PIGL: variants seen among roughly 807,000 people sequenced by gnomAD.
PIGL encodes the protein N-acetylglucosaminyl-phosphatidylinositol de-N-acetylase.
In PIGL, 22 loss-of-function variants were observed where a neutral mutation model predicts 31.1. The ratio of observed to expected loss-of-function variants is 0.71; its 90% confidence interval spans 0.51 to 1.01. The LOEUF (loss-of-function observed/expected upper bound fraction) is 1.01. PIGL is among the 50% of genes least tolerant of loss of function. PIGL has a pLI of 0.00. For synonymous variants in PIGL, 131 were observed against 117.4 expected, an observed-to-expected ratio of 1.12 and a Z score of -0.75; for missense variants, 302 against 315.9, an observed-to-expected ratio of 0.96 and a Z score of 0.33.
chr17:16,308,314 A>G (rs2093034470), intron 3 of PIGL, among the ~76,000 whole-genome samples: 1 of 151,654 alleles, frequency 6.6e-6, no homozygotes, highest in Admixed American at 6.6e-5. Context: ...TCTGGGTGAC[A>G]GGGTGAAACT....
In PIGL at chr17:16,326,292, G is replaced by A. The variant is rs1324888822; in HGVS notation, c.*394G>A. 1 of 175,940 alleles carries A rather than the reference G, an allele frequency of 5.7e-6. No homozygotes were observed. The highest frequency in any genetic ancestry group is 2.4e-5 in the African/African-American group (1 of 42,136). 10.9% of individuals were successfully genotyped at this position (175,940 alleles called of 1,614,324 possible). ...GACTTTTACATTGTTTCCAAAGCAGGTTCACCAAAAACACATACACAAAAT... is the reference window on the plus strand; with the variant it reads ...GACTTTTACATTGTTTCCAAAGCAGATTCACCAAAAACACATACACAAAAT... On this transcript the variant is annotated 3_prime_UTR_variant, in exon 7 of 7. Transcript: ENST00000225609.
At chr17:16,254,960 A>G (rs902972372) in intron 2 of PIGL, among the ~76,000 whole-genome samples, 2 of 152,146 alleles carry the variant, frequency 1.3e-5, no homozygotes, top group African/African-American at 4.8e-5. Context: ...GATATATAAT[A>G]CTTGCTCAAT....
intron 6 of PIGL, among the ~76,000 whole-genome samples, chr17:16,322,944 T>C (rs1169806778): frequency 1.3e-5 from 2 of 152,206 alleles, no homozygotes; most frequent in African/African-American, 4.8e-5. Flanking sequence ...GAGGCTGTAA[T>C]GTGCCTTATG....
intron 2 of PIGL, among the ~76,000 whole-genome samples, chr17:16,258,107 G>T (rs550960915): frequency 7.8e-6 from 1 of 127,836 alleles, no homozygotes; most frequent in Admixed American, 7.9e-5. Context: ...GAGAGAAAGA[G>T]AGAGAGAGAG....
At chr17:16,231,411 T>A (rs1041003911) in intron 1 of PIGL, among the ~76,000 whole-genome samples, 3 of 151,826 alleles carry the variant, frequency 2.0e-5, no homozygotes, top group Non-Finnish European at 4.4e-5. Context: ...ATTTTTAAAA[T>A]TTTTCTTTTG....
intron 2 of PIGL, among the ~76,000 whole-genome samples, chr17:16,260,777 T>G (rs1412813701): frequency 6.6e-6 from 1 of 152,126 alleles, no homozygotes; most frequent in African/African-American, 2.4e-5. Flanking sequence ...TACTTCATTC[T>G]TCCTGGACAG....
At chr17:16,285,348 A>C (rs2092932911) in intron 2 of PIGL, among the ~76,000 whole-genome samples, 1 of 152,206 alleles carries the variant, frequency 6.6e-6, no homozygotes, top group Non-Finnish European at 1.5e-5. Context: ...GCACTTTGGG[A>C]GGCCAAGGCA....
intron 1 of PIGL, among the ~76,000 whole-genome samples, chr17:16,218,792 C>T (rs1378005075): frequency 1.3e-5 from 2 of 150,426 alleles, no homozygotes; most frequent in Admixed American, 6.7e-5. Context: ...GATTCTCCTG[C>T]GTCAGCCTGC....
chr17:16,254,033 T>C (rs183919133), intron 2 of PIGL, among the ~76,000 whole-genome samples: 2 of 152,232 alleles, frequency 1.3e-5, no homozygotes, highest in East Asian at 3.9e-4. Context: ...GCCTCAAATA[T>C]ACCATGCTGT....
At chr17:16,300,236 C>T (rs1256504586) in intron 3 of PIGL, 10 of 418,900 alleles carry the variant, frequency 2.4e-5, no homozygotes, top group Non-Finnish European at 3.9e-5. Context: ...TTTTTCTAAA[C>T]TGTGTCCTCC....
At chr17:16,233,892 A>T in intron 1 of PIGL, 79 bp from the exon 2 acceptor site, 1 of 717,816 alleles carries the variant, frequency 1.4e-6, no homozygotes, top group Non-Finnish European at 2.4e-6. Context: ...AGGAACAAAA[A>T]CAGGATAAGA....
chr17:16,234,837 T>C (rs1331712595), intron 2 of PIGL, among the ~76,000 whole-genome samples: 1 of 152,248 alleles, frequency 6.6e-6, no homozygotes, highest in Non-Finnish European at 1.5e-5. Context: ...TTTTAACTTC[T>C]GTTCGGATTT....
chr17:16,263,209 G>A (rs974124069), intron 2 of PIGL, among the ~76,000 whole-genome samples: 4 of 152,068 alleles, frequency 2.6e-5, no homozygotes, highest in African/African-American at 9.7e-5. Context: ...CATTGAGATA[G>A]GATCTCGCTC....
At chr17:16,248,872 C>T (rs189201390) in intron 2 of PIGL, among the ~76,000 whole-genome samples, 51 of 152,308 alleles carry the variant, frequency 3.3e-4, no homozygotes, top group African/African-American at 1.2e-3. Flanking sequence ...GTCCTGCAGA[C>T]TAGAAGTCCC....
intron 2 of PIGL, among the ~76,000 whole-genome samples, chr17:16,242,047 T>G (rs2092725259): frequency 6.6e-6 from 1 of 152,100 alleles, no homozygotes; most frequent in Admixed American, 6.6e-5. Flanking sequence ...ATAGGACTTT[T>G]TCTTTGGGGT....
intron 4 of PIGL, among the ~76,000 whole-genome samples, chr17:16,315,708 CTTTTTTTT>C (rs1157169209): frequency 3.4e-5 from 2 of 59,008 alleles, no homozygotes; most frequent in South Asian, 7.1e-4. Context: ...TTCTTTCTTT[CTTTTTTTT>C]TTTTTTTTTT....
At chr17:16,306,479 C>T (rs2093026622) in intron 3 of PIGL, among the ~76,000 whole-genome samples, 1 of 150,130 alleles carries the variant, frequency 6.7e-6, no homozygotes, top group African/African-American at 2.4e-5. Context: ...CCTTGTTCTG[C>T]ATGGAAGGGT....
intron 2 of PIGL, among the ~76,000 whole-genome samples, chr17:16,275,063 G>A (rs1170162916): frequency 1.3e-5 from 2 of 151,866 alleles, no homozygotes; most frequent in African/African-American, 4.8e-5. Context: ...AGAAAGTAAA[G>A]GAATAAAGAA....
At chr17:16,286,822 T>G (rs1195348817) in intron 2 of PIGL, among the ~76,000 whole-genome samples, 1 of 152,142 alleles carries the variant, frequency 6.6e-6, no homozygotes, top group African/African-American at 2.4e-5. Flanking sequence ...CCTCATGTGC[T>G]TCAATAGCCA....
Sources: allele counts gnomAD v4.1 joint callset (sites outside exome capture counted in the v4.1 genomes callset), GRCh38; gene constraint gnomAD v4.1.1; transcripts MANE v1.5; gene names NCBI Gene and HGNC (gene_info 2026-07-23, HGNC 2026-07-21).